Variants in N4BP2 observed in about 807,000 individuals in gnomAD.
N4BP2 encodes NEDD4 binding protein 2.
N4BP2 carries 91 observed loss-of-function variants against 152.8 expected under a neutral mutation model. That is an observed-to-expected ratio of 0.60 (90% confidence interval 0.50 to 0.71). The LOEUF (loss-of-function observed/expected upper bound fraction) is 0.71. N4BP2 is among the 30% of genes least tolerant of loss of function. The probability of loss-of-function intolerance (pLI) is 0.00; values close to 1 mark genes in which losing one functional copy is unlikely to be tolerated. For missense variants in N4BP2, 1,923 were observed against 2,059.1 expected, an observed-to-expected ratio of 0.93 and a Z score of 1.28; for synonymous variants, 646 against 705.3, an observed-to-expected ratio of 0.92 and a Z score of 1.33.
chr4:40,182,490 A>T, the N4BP2 span, among the ~76,000 whole-genome samples: 2 of 151,922 alleles, frequency 1.3e-5, 1 homozygote, highest in Admixed American at 1.3e-4. Flanking sequence ...TCACTTTGTC[A>T]CCCAGGCTGG....
chr4:40,107,545 G>A (rs1716427895), intron 5 of N4BP2, among the ~76,000 whole-genome samples: 1 of 151,982 alleles, frequency 6.6e-6, no homozygotes, highest in African/African-American at 2.4e-5. Context: ...CACCGCACCT[G>A]GCTAATTTTT....
At chr4:40,095,951 A>C (rs928637238) in intron 2 of N4BP2, among the ~76,000 whole-genome samples, 1 of 152,172 alleles carries the variant, frequency 6.6e-6, no homozygotes, top group African/African-American at 2.4e-5. Flanking sequence ...CTATAGGGGG[A>C]CAAAGTTGCA....
chr4:40,111,976 A>G, intron 5 of N4BP2, 108 bp from the exon 6 acceptor site: 1 of 633,620 alleles, frequency 1.6e-6, no homozygotes, highest in South Asian at 2.2e-5. Context: ...AGCAGTGAGT[A>G]AAATTAGCAC....
the N4BP2 span, among the ~76,000 whole-genome samples, chr4:40,181,847 G>T: frequency 2.2e-4 from 34 of 152,198 alleles, no homozygotes; most frequent in South Asian, 2.1e-4. Flanking sequence ...TACTATGGAG[G>T]CTGAGGCATG....
Position 40,103,021 on chromosome 4 carries a change from T to C in N4BP2, c.1176T>C (p.Ser392=). The C allele has an allele frequency of 6.2e-7, 1 of 1,614,226 alleles. No individual in the cohort carries two copies. Among genetic ancestry groups the C allele is most frequent in the Non-Finnish European group, 8.5e-7 (1 of 1,180,024 alleles). The change falls in exon 4 of 18, where the codon TCT becomes TCC. Residue 392 remains serine, a synonymous_variant. Coordinates refer to ENST00000261435, the MANE Select transcript of N4BP2 (RefSeq NM_018177.6). The part of the protein sequence containing the change: ...PVVTTAAHWR[S]VNYTFPPSVI... ...TAACCACAGCTGCACACTGGAGATC[T>C]GTCAACTACACATTTCCACCCTCAG...
chr4:40,112,037 C>T, intron 5 of N4BP2, 47 bp from the exon 6 acceptor site: 2 of 1,004,124 alleles, frequency 2.0e-6, no homozygotes, highest in South Asian at 2.9e-5. Flanking sequence ...AATCATAATA[C>T]TTAGTATTGT....
At chr4:40,064,340 T>C (rs1281503658) in intron 1 of N4BP2, among the ~76,000 whole-genome samples, 1 of 152,078 alleles carries the variant, frequency 6.6e-6, no homozygotes, top group Non-Finnish European at 1.5e-5. Flanking sequence ...AATGGTGTGA[T>C]CTTGACTCAC....
chr4:40,125,886 C>CAAA (rs34106957), intron 11 of N4BP2, among the ~76,000 whole-genome samples: 1 of 103,308 alleles, frequency 9.7e-6, no homozygotes, highest in South Asian at 3.4e-4. Flanking sequence ...GACTCCGTCT[C>CAAA]AAAAAAAAAA....
intron 2 of N4BP2, among the ~76,000 whole-genome samples, chr4:40,089,744 G>A (rs1386136680): frequency 6.6e-6 from 1 of 152,038 alleles, no homozygotes. Context: ...GCCACGATCA[G>A]TTTTTCCTTT....
downstream of N4BP2, among the ~76,000 whole-genome samples, chr4:40,159,579 G>T (rs1706022): frequency 0.095 from 14,381 of 152,124 alleles, 679 homozygotes; most frequent in Middle Eastern, 0.13. Context: ...AGTGCCAAGT[G>T]GTCTTAAAGA....
chr4:40,166,466 G>T, the N4BP2 span, among the ~76,000 whole-genome samples: 1 of 152,116 alleles, frequency 6.6e-6, no homozygotes, highest in East Asian at 1.9e-4. Flanking sequence ...GAGGCGGGTG[G>T]ATCACCTGAG....
chr4:40,136,033 G>A (rs1030880419), intron 13 of N4BP2, among the ~76,000 whole-genome samples: 5 of 152,118 alleles, frequency 3.3e-5, no homozygotes, highest in Non-Finnish European at 2.9e-5. Context: ...TTGTTGATTT[G>A]TAGAATTTCA....
At chr4:40,163,555 C>T in the N4BP2 span, among the ~76,000 whole-genome samples, 1 of 152,340 alleles carries the variant, frequency 6.6e-6, no homozygotes, top group African/African-American at 2.4e-5. Flanking sequence ...TACAGAGAAA[C>T]ACATAGGAAG....
In N4BP2 at chr4:40,154,100, T is replaced by G. The variant is rs376673021; in HGVS notation, c.5268-92T>G. On this transcript the variant is annotated intron_variant, in intron 17 of 17. Coordinates refer to ENST00000261435, the MANE Select transcript of N4BP2 (RefSeq NM_018177.6). ...AATACTTTGGTAGTAAATATTATAT[T>G]AAGCGTAGGTACTTGGAATTGATTA... 1.1e-5 allele frequency: 9 copies of G among 850,626 alleles called. No individual in the cohort carries two copies. The South Asian group carries it at 1.4e-4, about 13-fold the overall frequency. The allele number at this position is 850,626 out of a possible 1,614,324, so 52.7% of individuals were successfully genotyped here. A position where few individuals can be genotyped will look rare whatever the true frequency, so the allele number is the denominator to read the frequency against.
intron 2 of N4BP2, among the ~76,000 whole-genome samples, chr4:40,092,213 T>C (rs1455222517): frequency 1.3e-5 from 2 of 150,546 alleles, no homozygotes; most frequent in African/African-American, 4.9e-5. Flanking sequence ...GAAGAGATTA[T>C]GTAGGATTAG....
intron 16 of N4BP2, among the ~76,000 whole-genome samples, chr4:40,150,731 G>C (rs1721078863): frequency 6.6e-6 from 1 of 150,492 alleles, no homozygotes; most frequent in Non-Finnish European, 1.5e-5. Flanking sequence ...TCAATAAATT[G>C]TAAAGAAAAA....
intron 3 of N4BP2, among the ~76,000 whole-genome samples, chr4:40,098,218 A>C (rs1427158215): frequency 1.3e-5 from 2 of 152,248 alleles, no homozygotes; most frequent in African/African-American, 4.8e-5. Context: ...TGAGGCTAGC[A>C]GAATAGTATA....
chr4:40,168,780 A>C, the N4BP2 span, among the ~76,000 whole-genome samples: 4 of 151,540 alleles, frequency 2.6e-5, no homozygotes, highest in Non-Finnish European at 5.9e-5. Context: ...GCTGGAGTGC[A>C]ATGGTGCAGT....
rs1721729745 is a variant in N4BP2 at position 40,157,936 on chromosome 4, C to T, written c.*3699C>T. The T allele has an allele frequency of 6.6e-6, 1 of 152,098 alleles. No individual in the cohort carries two copies. Among genetic ancestry groups the T allele is most frequent in the Non-Finnish European group, 1.5e-5 (1 of 67,996 alleles). 9.4% of individuals were successfully genotyped at this position (152,098 alleles called of 1,614,324 possible). A position where few individuals can be genotyped will look rare whatever the true frequency, so the allele number is the denominator to read the frequency against. On this transcript the variant is annotated 3_prime_UTR_variant, in exon 18 of 18. Coordinates refer to ENST00000261435, the MANE Select transcript of N4BP2 (RefSeq NM_018177.6). Reference sequence around the variant, plus strand: ...TTTATAACTTCATATTATATGATGACAAAGTTCATTATTTTCCTTAAAGTT... The same window carrying T: ...TTTATAACTTCATATTATATGATGATAAAGTTCATTATTTTCCTTAAAGTT...
Sources: gnomAD v4.1 joint callset for allele counts (sites outside exome capture counted in the v4.1 genomes callset) on GRCh38, gnomAD v4.1.1 for gene constraint, MANE v1.5 for transcripts, NCBI Gene and HGNC (gene_info 2026-07-23, HGNC 2026-07-21) for gene names.